The following KCNH4 variants were observed in gnomAD, a reference collection of about 807,000 sequenced individuals.
KCNH4 encodes potassium voltage-gated channel subfamily H member 4.
A neutral mutation model predicts 90.7 loss-of-function variants in KCNH4; 33 were observed. The ratio of observed to expected loss-of-function variants is 0.36; its 90% CI spans 0.28 to 0.49. The LOEUF is 0.49. KCNH4 is among the 20% of genes least tolerant of loss of function. The pLI is 0.98. For synonymous variants in KCNH4, 551 were observed against 581.7 expected (o/e 0.95, Z 0.76); for missense variants, 1,044 against 1,387.1 (o/e 0.75, Z 3.93).
chr17:42,164,271 A>C, intron 11 of KCNH4, 103 bp from the exon 12 acceptor site: 1 of 1,056,926 alleles, frequency 9.5e-7, no homozygotes, highest in South Asian at 1.7e-5. Flanking sequence ...GAGAATGTGG[A>C]GTCTTTTGTG....
At position 42,169,504 on chromosome 17, in the gene KCNH4, G is replaced by A. The variant is rs145755426; in HGVS notation, c.1563C>T (p.Ala521=). ...RMLEYFQTTW[A]VNSGIDANEL... is the part of the protein sequence containing the mutation. ...CGTTGGCGTCGATGCCGCTGTTGAC[G>A]GCCCACGTGGTCTGGAAGTATTCGA... Residue 521 remains alanine, a synonymous_variant, in exon 9 of 17, where the codon GCC becomes GCT. Transcript: ENST00000264661. The A allele has an allele frequency of 3.2e-4, 511 of 1,613,084 alleles. 3 individuals carry two copies. The South Asian group carries it at 4.3e-3, about 14-fold the overall frequency.
At position 42,181,018 on chromosome 17, in the gene KCNH4, T is replaced by C; in HGVS notation, c.-73A>G. The C allele has an allele frequency of 7.1e-7, 1 of 1,416,794 alleles. No individual in the cohort carries two copies. Among genetic ancestry groups the C allele is most frequent in the Non-Finnish European group, 9.7e-7 (1 of 1,026,326 alleles). 87.8% of individuals were successfully genotyped at this position (1,416,794 alleles called of 1,614,324 possible). A position where few individuals can be genotyped will look rare whatever the true frequency, so the allele number is the denominator to read the frequency against. ...CGGCCGGGCCGGAGGGGGCGCGCTG[T>C]CGGAGGGGCCGGGGCGCCCCATGCG... On this transcript the variant is annotated 5_prime_UTR_variant, in exon 1 of 17. Transcript: ENST00000264661.
At chr17:42,161,059 C>T (rs768529599) in intron 15 of KCNH4, among the ~76,000 whole-genome samples, 5 of 151,118 alleles carry the variant, frequency 3.3e-5, no homozygotes, top group Non-Finnish European at 7.4e-5. Context: ...CCCAAGTAGC[C>T]GAGACTATAG....
In KCNH4 at chr17:42,160,184, C is replaced by T. The variant is rs755669322; in HGVS notation, c.2910G>A (p.Ala970=). 20 of 1,613,588 alleles carry T rather than the reference C, an allele frequency of 1.2e-5. No homozygotes were observed. Among genetic ancestry groups the T allele is most frequent in the South Asian group, 2.2e-5 (2 of 91,022 alleles). ...ASVGTMETGT[A]LLDLRPSILP... ...ATATGGAAGGTCTCAAGTCCAGGAG[C>T]GCAGTCCCTGTCTCCATGGTCCCCA... The change falls in exon 16 of 17, where the codon GCG becomes GCA. Residue 970 remains alanine, a synonymous_variant. Coordinates refer to ENST00000264661, the MANE Select transcript of KCNH4 (RefSeq NM_012285.3).
At chr17:42,176,012 C>T (rs1346833348) in intron 5 of KCNH4, 42 bp downstream of exon 5, 2 of 1,560,352 alleles carry the variant, frequency 1.3e-6, no homozygotes, top group Admixed American at 3.5e-5. Context: ...AAGTGGATCC[C>T]CCCAGCCGAC....
In KCNH4 at chr17:42,157,046, C is replaced by G. The variant is rs1392502745; in HGVS notation, c.*382G>C. ...AACAGGCTTGGCAGCGGTCTGGGGT[C>G]AGGGAAAGGATAGGGAGTGCTGTTG... On this transcript the variant is annotated 3_prime_UTR_variant, in exon 17 of 17. Coordinates refer to ENST00000264661, the MANE Select transcript of KCNH4 (RefSeq NM_012285.3). 1 of 152,368 alleles carries G rather than the reference C, an allele frequency of 6.6e-6. No homozygotes were observed. Among genetic ancestry groups the G allele is most frequent in the East Asian group, 1.9e-4 (1 of 5,318 alleles). 9.4% of individuals were successfully genotyped at this position (152,368 alleles called of 1,614,324 possible).
intron 9 of KCNH4, among the ~76,000 whole-genome samples, chr17:42,168,112 C>A (rs964656062): frequency 6.6e-6 from 1 of 152,136 alleles, no homozygotes; most frequent in African/African-American, 2.4e-5. Context: ...ACAATGAGGA[C>A]CTGAAGGCAC....
chr17:42,177,615 G>T (rs563648618), intron 4 of KCNH4, among the ~76,000 whole-genome samples: 2 of 152,162 alleles, frequency 1.3e-5, no homozygotes, highest in Non-Finnish European at 2.9e-5. Context: ...GTGGGGGCTG[G>T]GTATATCCCA....
At chr17:42,170,368 C>T in intron 7 of KCNH4, 67 bp from the exon 8 acceptor site, 4 of 1,391,022 alleles carry the variant, frequency 2.9e-6, no homozygotes, top group Admixed American at 2.4e-5. Context: ...TTCCCTGAGC[C>T]ACCTACGCTT....
chr17:42,163,945 C>G lies in KCNH4; in HGVS notation c.2138G>C (p.Ser713Thr), dbSNP rs2079767986. Residue 713 changes from serine (S) to threonine (T), a missense_variant, in exon 13 of 17, where the codon AGC (serine) becomes ACC (threonine). Ser to Thr is a moderately conservative substitution (Grantham distance 58, BLOSUM62 1). Around this residue, in one of 4 missense-constraint regions of KCNH4, gnomAD observed 441 missense variants for 512.3 expected, o/e 0.86. Transcript: ENST00000264661. This position sits in a 1 kb window ranked among gnomAD's most constrained non-coding sequence, Gnocchi z 5.4. ...SPRLSQPRSE[S>T]LGSSSDKTLP... ...CGTCTTGTCTGAGGAGGAGCCGAGG[C>G]TTTCTGAGCGGGGCTGCGGGCAGAG... 1.3e-6 allele frequency: 2 copies of G among 1,540,918 alleles called. No homozygotes were observed. Among genetic ancestry groups the G allele is most frequent in the Non-Finnish European group, 1.7e-6 (2 of 1,143,814 alleles).
chr17:42,177,961 G>A, intron 4 of KCNH4, 139 bp downstream of exon 4: 2 of 969,732 alleles, frequency 2.1e-6, no homozygotes, highest in Non-Finnish European at 3.1e-6. Flanking sequence ...ATATAGAGTA[G>A]TATATGGGAA....
intron 6 of KCNH4, among the ~76,000 whole-genome samples, chr17:42,174,009 G>A (rs1482474457): frequency 6.6e-6 from 1 of 152,116 alleles, no homozygotes; most frequent in East Asian, 1.9e-4. Context: ...CCAAGCTGGA[G>A]TGCAGTGGAG....
At chr17:42,177,508 T>A (rs2079870670) in intron 4 of KCNH4, among the ~76,000 whole-genome samples, 1 of 152,184 alleles carries the variant, frequency 6.6e-6, no homozygotes. Context: ...CCAACACTCA[T>A]CCTACTTGAG....
chr17:42,171,976 A>G lies in KCNH4; in HGVS notation c.1007T>C (p.Leu336Pro). The change falls in exon 7 of 17, where the codon CTG (leucine) becomes CCG (proline). Residue 336 changes from leucine to proline, a missense_variant. Physicochemically the swap from Leu to Pro is moderately conservative, Grantham distance 98. Transcript: ENST00000264661. The part of the protein sequence containing the change: ...NITVTSLVHL[L>P]KTVRLLRLLR... The stretch of plus-strand genomic sequence containing the variant: ...CAGCCGCAACAGCCGCACTGTCTTC[A>G]GTAGGTGCACCAGCGAGGTCTGCAG... 6.2e-7 allele frequency: 1 copy of G among 1,606,468 alleles called. No homozygotes were observed. Among genetic ancestry groups the G allele is most frequent in the Non-Finnish European group, 8.5e-7 (1 of 1,177,028 alleles).
intron 16 of KCNH4, among the ~76,000 whole-genome samples, chr17:42,159,051 A>T (rs2144115565): frequency 6.6e-6 from 1 of 151,726 alleles, no homozygotes; most frequent in South Asian, 2.1e-4. Context: ...TTATTTTGAG[A>T]CAGAGTCTCA....
At chr17:42,173,693 CTTTTTTTTTTTTTTT>C (rs532100884) in intron 6 of KCNH4, among the ~76,000 whole-genome samples, 5 of 66,268 alleles carry the variant, frequency 7.5e-5, no homozygotes, top group Non-Finnish European at 1.2e-4. Flanking sequence ...CGATCTGGTT[CTTTTTTTTTTTTTTT>C]TTTTTTTTTT....
Position 42,171,966 on chromosome 17 carries a change from C to CA in KCNH4, c.1016dup (p.Arg340AlafsTer53). 2 of 1,609,486 alleles carry CA rather than the reference C, an allele frequency of 1.2e-6. No homozygotes were observed. Among genetic ancestry groups the CA allele is most frequent in the Non-Finnish European group, 1.7e-6 (2 of 1,178,308 alleles). The stretch of plus-strand genomic sequence containing the variant: ...GCAGCCGCAGCAGCCGCAACAGCCG[C>CA]ACTGTCTTCAGTAGGTGCACCAGCG... On this transcript the variant is annotated frameshift_variant, in exon 7 of 17. Transcript: ENST00000264661. LOFTEE classifies it high-confidence loss of function.
chr17:42,167,755 C>A (rs2079797943), intron 9 of KCNH4, among the ~76,000 whole-genome samples: 1 of 152,238 alleles, frequency 6.6e-6, no homozygotes, highest in South Asian at 2.1e-4. Flanking sequence ...TCTCTTGCAA[C>A]CAGCAGGAGA....
intron 6 of KCNH4, among the ~76,000 whole-genome samples, chr17:42,173,867 A>AT (rs946114845): frequency 2.0e-4 from 30 of 150,862 alleles, no homozygotes; most frequent in African/African-American, 4.9e-4. Context: ...CGCCTGGCTA[A>AT]TTTTTTTTGT....
Sources: allele counts gnomAD v4.1 joint callset (sites outside exome capture counted in the v4.1 genomes callset), GRCh38; gene constraint gnomAD v4.1.1; regional missense constraint gnomAD v4.1.1; non-coding constraint Gnocchi (gnomAD v3.1); transcripts MANE v1.5; gene names NCBI Gene and HGNC (gene_info 2026-07-23, HGNC 2026-07-21).